The following SGF29 variants were observed in gnomAD, a reference collection of about 807,000 sequenced individuals.
The protein encoded by SGF29 is SAGA-associated factor 29.
A neutral mutation model predicts 38.1 loss-of-function variants in SGF29; 15 were observed. That is an observed-to-expected ratio of 0.39 (90% CI 0.26 to 0.61). SGF29 has a LOEUF of 0.61. Ranked by LOEUF, SGF29 falls within the 20% of genes least tolerant of loss-of-function variation. The pLI, the probability that SGF29 is intolerant of heterozygous loss-of-function variation, is 0.49. For missense variants in SGF29, 184 were observed against 394.6 expected, an observed-to-expected ratio of 0.47 and a Z score of 4.52; for synonymous variants, 151 against 160.8, an observed-to-expected ratio of 0.94 and a Z score of 0.46.
chr16:28,568,566 C>T (rs2046846961), intron 1 of SGF29, among the ~76,000 whole-genome samples: 1 of 146,092 alleles, frequency 6.8e-6, no homozygotes, highest in Non-Finnish European at 1.5e-5. Flanking sequence ...CATCTCATTG[C>T]TTCTCTGGGC....
At chr16:28,566,001 C>T (rs1363348338) in intron 1 of SGF29, among the ~76,000 whole-genome samples, 1 of 150,588 alleles carries the variant, frequency 6.6e-6, no homozygotes. Context: ...GGGCCGGGCA[C>T]GGTGGCTCAC....
chr16:28,564,771 ATG>A (rs1208449643), intron 1 of SGF29, among the ~76,000 whole-genome samples: 1 of 62,236 alleles, frequency 1.6e-5, no homozygotes, highest in African/African-American at 6.0e-5. Flanking sequence ...ATGTATATAT[ATG>A]TATATATATA....
chr16:28,569,012 T>C (rs151232), intron 1 of SGF29, among the ~76,000 whole-genome samples: 75,366 of 151,766 alleles, frequency 0.5, 19,353 homozygotes, highest in Non-Finnish European at 0.54. Flanking sequence ...CGCTTGAACC[T>C]GGGAGGCGAA....
At position 28,588,573 on chromosome 16, in the gene SGF29, T is replaced by TC. The variant is rs1187369432; in HGVS notation, c.225-527_225-526insC. 6.9e-6 allele frequency: 3 copies of TC among 432,118 alleles called. No individual in the cohort carries two copies. The East Asian group carries it at 2.1e-4, about 31-fold the overall frequency. 26.8% of individuals were successfully genotyped at this position (432,118 alleles called of 1,614,324 possible). ...CATACTGAAGATTTCCAGTTTTCTT[T>TC]TTTTTTTTGAAATGGAGTTTCGTTC... On this transcript the variant is annotated intron_variant, in intron 4 of 9. Coordinates refer to ENST00000317058, the MANE Select transcript of SGF29 (RefSeq NM_138414.3).
At chr16:28,586,300 A>G (rs553544105) in intron 4 of SGF29, among the ~76,000 whole-genome samples, 1 of 152,302 alleles carries the variant, frequency 6.6e-6, no homozygotes, top group African/African-American at 2.4e-5. Context: ...CATGCCTGCA[A>G]TCGCAAGGTG....
intron 1 of SGF29, among the ~76,000 whole-genome samples, chr16:28,571,348 C>T (rs1250060481): frequency 6.6e-6 from 1 of 152,080 alleles, no homozygotes; most frequent in East Asian, 1.9e-4. Context: ...AATCTCAGCA[C>T]ATTGGGAAGC....
In SGF29 at chr16:28,590,044, G is replaced by A. The variant is rs994060786; in HGVS notation, c.290-52G>A. 3.9e-5 allele frequency: 62 copies of A among 1,575,888 alleles called. 1 individual carries two copies. The African/African-American group carries it at 7.7e-4, about 19-fold the overall frequency. The stretch of plus-strand genomic sequence containing the variant: ...ACAGCTCAGTGCAGCATGCTCGGGG[G>A]TCAAGGCCGGCACCTATCCCTGGGG... On this transcript the variant is annotated intron_variant, in intron 5 of 9. Coordinates refer to ENST00000317058, the MANE Select transcript of SGF29 (RefSeq NM_138414.3). The surrounding 1 kb of genome is among the most constrained non-coding windows in gnomAD (Gnocchi z 8.2).
Position 28,585,848 on chromosome 16 carries a change from C to A in SGF29, c.224+128C>A, listed in dbSNP as rs148012899. ...AAGCTGATTGCTACTCCCAGCCTCT[C>A]GCTTGGGTCCCGCATTCCCTGGCCC... On this transcript the variant is annotated intron_variant, in intron 4 of 9. Transcript: ENST00000317058. 6.8e-4 allele frequency: 578 copies of A among 846,970 alleles called. 4 individuals carry two copies. The African/African-American group carries it at 8.2e-3, about 12-fold the overall frequency. 52.5% of individuals were successfully genotyped at this position (846,970 alleles called of 1,614,324 possible).
In SGF29 at chr16:28,590,072, T is replaced by C; in HGVS notation, c.290-24T>C. 1 of 1,603,986 alleles carries C rather than the reference T, an allele frequency of 6.2e-7. No individual in the cohort carries two copies. The highest frequency in any genetic ancestry group is 8.5e-7 in the Non-Finnish European group (1 of 1,175,850). ...AAGGCCGGCACCTATCCCTGGGGCC[T>C]CAGGCCTCCCTTCCTTCCCACAGCG... On this transcript the variant is annotated intron_variant, in intron 5 of 9. Coordinates refer to ENST00000317058, the MANE Select transcript of SGF29 (RefSeq NM_138414.3). The surrounding 1 kb of genome is among the most constrained non-coding windows in gnomAD (Gnocchi z 8.2).
intron 5 of SGF29, chr16:28,589,371 C>T: frequency 1.8e-6 from 1 of 563,036 alleles, no homozygotes; most frequent in Non-Finnish European, 3.2e-6. Context: ...TCTCCCTCAG[C>T]AGCCAGAGAT....
chr16:28,557,665 C>A (rs970140085), intron 1 of SGF29, among the ~76,000 whole-genome samples: 1 of 152,128 alleles, frequency 6.6e-6, no homozygotes, highest in Non-Finnish European at 1.5e-5. Flanking sequence ...ACTGAGCCCT[C>A]AACCTGTGGG....
At chr16:28,565,552 C>T (rs534285741) in intron 1 of SGF29, among the ~76,000 whole-genome samples, 2 of 152,182 alleles carry the variant, frequency 1.3e-5, no homozygotes, top group Non-Finnish European at 2.9e-5. Context: ...GGCTGGAGTG[C>T]AATGGCGCGA....
chr16:28,564,746 T>TATATATATATAC (rs1555474928), intron 1 of SGF29, among the ~76,000 whole-genome samples: 6 of 24,850 alleles, frequency 2.4e-4, no homozygotes, highest in African/African-American at 5.4e-4. Context: ...TGTATATATG[T>TATATATATATAC]ATATATATGT....
intron 1 of SGF29, among the ~76,000 whole-genome samples, chr16:28,563,396 G>A (rs1380984091): frequency 1.3e-4 from 20 of 152,128 alleles, no homozygotes; most frequent in Admixed American, 1.3e-3. Flanking sequence ...AAATGAGGTG[G>A]TTCTGCCAGG....
At chr16:28,560,285 G>A (rs1458273553) in intron 1 of SGF29, among the ~76,000 whole-genome samples, 1 of 150,574 alleles carries the variant, frequency 6.6e-6, no homozygotes, top group African/African-American at 2.4e-5. Context: ...TATGATCTGT[G>A]TTCACAAAAA....
At position 28,581,138 on chromosome 16, in the gene SGF29, A is replaced by T. The variant is rs146510287; in HGVS notation, c.69A>T (p.Gln23His). ...CAGAGCTCCATCAGCTGATCAAACA[A>T]ACCCAGGTAAAAAGTCACCACCCTC... ...LLTELHQLIK[Q>H]TQEERSRSEH... is the part of the protein sequence containing the mutation. Residue 23 changes from glutamine (Q) to histidine (H), a missense_variant, in exon 2 of 10, where the codon CAA (glutamine) becomes CAT (histidine). Gln to His is a conservative substitution (Grantham distance 24, BLOSUM62 0). Coordinates refer to ENST00000317058, the MANE Select transcript of SGF29 (RefSeq NM_138414.3). 2.9e-5 allele frequency: 46 copies of T among 1,613,836 alleles called. No individual in the cohort carries two copies. The African/African-American group carries it at 5.7e-4, about 20-fold the overall frequency.
chr16:28,571,422 C>A lies in SGF29; in HGVS notation c.-15-9633C>A, dbSNP rs189282569. Among the ~76,000 whole-genome samples the A allele has an allele frequency of 2.0e-5, 3 of 151,982 alleles. No homozygotes were observed. The East Asian group carries it at 5.8e-4, about 29-fold the overall frequency. ...CAGCCTGGCCAACAAAGCAAAACCC[C>A]GTCTCTACTAAAAATACAAAATTAG... On this transcript the variant is annotated intron_variant, in intron 1 of 9. Transcript: ENST00000317058.
intron 1 of SGF29, among the ~76,000 whole-genome samples, chr16:28,564,026 C>T (rs998150322): frequency 6.6e-6 from 1 of 152,170 alleles, no homozygotes; most frequent in Admixed American, 6.6e-5. Flanking sequence ...GGATTAGAGG[C>T]TTAAGCCACT....
chr16:28,558,986 A>C (rs2046769239), intron 1 of SGF29, among the ~76,000 whole-genome samples: 1 of 152,220 alleles, frequency 6.6e-6, no homozygotes, highest in Non-Finnish European at 1.5e-5. Context: ...TATTTGCACA[A>C]CCTTGTGACT....
Sources: gnomAD v4.1 joint callset for allele counts (sites outside exome capture counted in the v4.1 genomes callset) on GRCh38, gnomAD v4.1.1 for gene constraint, Gnocchi (gnomAD v3.1) non-coding constraint, MANE v1.5 for transcripts, NCBI Gene and HGNC (gene_info 2026-07-23, HGNC 2026-07-21) for gene names.